PBX1: variants seen among roughly 807,000 people sequenced by gnomAD.
PBX1 encodes the protein PBX homeobox 1.
A neutral mutation model predicts 53.4 loss-of-function variants in PBX1; 6 were observed. That is an observed-to-expected ratio of 0.11 (90% CI 0.06 to 0.22). The LOEUF (loss-of-function observed/expected upper bound fraction) is 0.22, where lower values mean the gene tolerates loss of function less well. PBX1 is among the 10% of genes least tolerant of loss of function. The pLI is 1.00. For missense variants in PBX1, 251 were observed against 551.4 expected, an observed-to-expected ratio of 0.46 and a Z score of 5.46; for synonymous variants, 204 against 212.3, an observed-to-expected ratio of 0.96 and a Z score of 0.34.
chr1:164,720,776 G>A (rs1245427376), intron 2 of PBX1, among the ~76,000 whole-genome samples: 2 of 152,150 alleles, frequency 1.3e-5, no homozygotes, highest in Non-Finnish European at 2.9e-5. Context: ...TGGGCAGGGA[G>A]GTGATGAGAT....
chr1:164,631,931 C>CAGAG (rs1658435815), intron 2 of PBX1, among the ~76,000 whole-genome samples: 1 of 152,216 alleles, frequency 6.6e-6, no homozygotes, highest in South Asian at 2.1e-4. Flanking sequence ...GTTCCACAGG[C>CAGAG]AGAGCCTGGG....
At chr1:164,711,557 C>T (rs2102074849) in intron 2 of PBX1, among the ~76,000 whole-genome samples, 1 of 152,346 alleles carries the variant, frequency 6.6e-6, no homozygotes, top group African/African-American at 2.4e-5. Flanking sequence ...GCCACTGCGC[C>T]CGGCTAGTTT....
chr1:164,676,533 A>G (rs1661442186), intron 2 of PBX1, among the ~76,000 whole-genome samples: 1 of 152,232 alleles, frequency 6.6e-6, no homozygotes, highest in South Asian at 2.1e-4. Context: ...ATCTCAAGCC[A>G]CAGAGCCTGG....
At chr1:164,810,342 A>G (rs890979710) in intron 5 of PBX1, among the ~76,000 whole-genome samples, 23 of 152,128 alleles carry the variant, frequency 1.5e-4, no homozygotes, top group Admixed American at 3.9e-4. Context: ...CATTTTATAC[A>G]TTGTCCAGAT....
chr1:164,675,308 A>C (rs1019537118), intron 2 of PBX1, among the ~76,000 whole-genome samples: 1 of 152,166 alleles, frequency 6.6e-6, no homozygotes, highest in Non-Finnish European at 1.5e-5. Flanking sequence ...AGAATAGGAC[A>C]TGTCTTTCCC....
chr1:164,649,716 C>A (rs1243751924), intron 2 of PBX1, among the ~76,000 whole-genome samples: 1 of 152,186 alleles, frequency 6.6e-6, no homozygotes, highest in Non-Finnish European at 1.5e-5. Context: ...GCATTCCACC[C>A]CCTGCCAGGG....
chr1:164,563,757 G>C (rs1418818781), intron 2 of PBX1, among the ~76,000 whole-genome samples: 1 of 152,136 alleles, frequency 6.6e-6, no homozygotes, highest in Non-Finnish European at 1.5e-5. Context: ...CAAAGCAGCA[G>C]ACTAGAGGTT....
At chr1:164,757,051 T>C (rs1398162411) in intron 2 of PBX1, among the ~76,000 whole-genome samples, 1 of 152,130 alleles carries the variant, frequency 6.6e-6, no homozygotes, top group Non-Finnish European at 1.5e-5. Flanking sequence ...GGATTTTTGT[T>C]TTGTCAGGAG....
intron 2 of PBX1, among the ~76,000 whole-genome samples, chr1:164,640,079 G>A (rs1659027949): frequency 6.6e-6 from 1 of 152,118 alleles, no homozygotes; most frequent in Non-Finnish European, 1.5e-5. Flanking sequence ...GAGCGTTCTA[G>A]GTATTGACAA....
chr1:164,720,972 C>T (rs1664374824), intron 2 of PBX1, among the ~76,000 whole-genome samples: 1 of 152,166 alleles, frequency 6.6e-6, no homozygotes, highest in African/African-American at 2.4e-5. Flanking sequence ...TCCTCTTGAG[C>T]AGGGGGAAGG....
intron 2 of PBX1, among the ~76,000 whole-genome samples, chr1:164,621,186 G>A (rs563756325): frequency 1.3e-5 from 2 of 151,094 alleles, no homozygotes; most frequent in South Asian, 2.1e-4. Flanking sequence ...ACGGGGTTTC[G>A]CTATGTTGGC....
intron 2 of PBX1, among the ~76,000 whole-genome samples, chr1:164,686,912 G>A (rs75712836): frequency 1.3e-5 from 2 of 151,672 alleles, no homozygotes; most frequent in Non-Finnish European, 2.9e-5. Flanking sequence ...AGCAGAGATC[G>A]TGCCACTGCA....
chr1:164,778,879 G>A (rs1463355578), intron 2 of PBX1, among the ~76,000 whole-genome samples: 1 of 152,028 alleles, frequency 6.6e-6, no homozygotes, highest in African/African-American at 2.4e-5. Flanking sequence ...TACAATTGGA[G>A]GCAGCTGTGA....
chr1:164,720,530 G>GC (rs1664347149), intron 2 of PBX1, among the ~76,000 whole-genome samples: 2 of 152,228 alleles, frequency 1.3e-5, no homozygotes, highest in South Asian at 4.2e-4. Context: ...AGGAAGCAAT[G>GC]CCCCTAGAAC....
intron 2 of PBX1, among the ~76,000 whole-genome samples, chr1:164,732,825 A>T (rs1665070934): frequency 6.6e-6 from 1 of 152,002 alleles, no homozygotes; most frequent in Admixed American, 6.6e-5. Flanking sequence ...CCTTCCCTTG[A>T]CTGGATCTTT....
At chr1:164,637,596 T>C (rs1336798839) in intron 2 of PBX1, among the ~76,000 whole-genome samples, 2 of 152,144 alleles carry the variant, frequency 1.3e-5, no homozygotes, top group African/African-American at 4.8e-5. Context: ...GTTGATGACT[T>C]TGGCCCTGCT....
rs932134079 is a variant in PBX1, at chr1:164,720,346, C to T, written c.266-72148C>T. On this transcript the variant is annotated intron_variant, in intron 2 of 8. Coordinates refer to ENST00000420696, the MANE Select transcript of PBX1 (RefSeq NM_002585.4). Reference sequence around the variant, plus strand: ...CTTCACCATGTCTGGATTCTAAGCTCTTAGATGCCAGAGCCTACTGGATCT... The same window carrying T: ...CTTCACCATGTCTGGATTCTAAGCTTTTAGATGCCAGAGCCTACTGGATCT... 3.9e-5 allele frequency among the ~76,000 whole-genome samples: 6 copies of T among 152,102 alleles called. No individual in the cohort carries two copies. The East Asian group carries it at 7.7e-4, about 20-fold the overall frequency.
At chr1:164,647,908 G>T (rs957588546) in intron 2 of PBX1, among the ~76,000 whole-genome samples, 2 of 151,252 alleles carry the variant, frequency 1.3e-5, no homozygotes, top group African/African-American at 4.9e-5. Flanking sequence ...TCCGCCTCCC[G>T]GGTTCATGCC....
chr1:164,598,165 C>A (rs1655895193), intron 2 of PBX1, among the ~76,000 whole-genome samples: 1 of 152,148 alleles, frequency 6.6e-6, no homozygotes, highest in Non-Finnish European at 1.5e-5. Flanking sequence ...CAATGTTAAT[C>A]CATTTGTATC....
Sources: gnomAD v4.1 joint callset for allele counts (sites outside exome capture counted in the v4.1 genomes callset) on GRCh38, gnomAD v4.1.1 for gene constraint, MANE v1.5 for transcripts, NCBI Gene and HGNC (gene_info 2026-07-23, HGNC 2026-07-21) for gene names.